TMPRSS11A: variants seen among roughly 807,000 people sequenced by gnomAD.
TMPRSS11A encodes transmembrane serine protease 11A.
Under a neutral mutation model 58.9 loss-of-function variants are expected in TMPRSS11A, and 53 were observed. That is an observed-to-expected ratio of 0.90 (90% CI 0.72 to 1.13). The LOEUF is 1.13. TMPRSS11A is among the 50% of genes most tolerant of loss of function. The pLI, the probability that TMPRSS11A is intolerant of heterozygous loss-of-function variation, is 0.00. For synonymous variants in TMPRSS11A, 167 were observed against 169.8 expected (o/e 0.98, Z 0.13); for missense variants, 493 against 499.3 (o/e 0.99, Z 0.12).
intron 3 of TMPRSS11A, among the ~76,000 whole-genome samples, chr4:67,938,397 G>A (rs1209817106): frequency 6.6e-6 from 1 of 152,142 alleles, no homozygotes; most frequent in East Asian, 1.9e-4. Context: ...TTGTGCAGAA[G>A]TTCTTTAGTT....
At chr4:67,949,418 C>T (rs1333003426) in intron 1 of TMPRSS11A, among the ~76,000 whole-genome samples, 2 of 152,180 alleles carry the variant, frequency 1.3e-5, no homozygotes, top group East Asian at 1.9e-4. Context: ...TTTGAGGAAA[C>T]ATTTAGATAA....
At chr4:67,945,239 G>A (rs371898896) in intron 2 of TMPRSS11A, among the ~76,000 whole-genome samples, 4 of 152,162 alleles carry the variant, frequency 2.6e-5, no homozygotes, top group Admixed American at 6.6e-5. Context: ...AAGGAAAGCA[G>A]TTGAGACTCC....
chr4:67,947,751 T>C (rs1721060991), intron 1 of TMPRSS11A, among the ~76,000 whole-genome samples: 1 of 152,238 alleles, frequency 6.6e-6, no homozygotes, highest in African/African-American at 2.4e-5. Flanking sequence ...AAGTATTAGT[T>C]TGCATGTATG....
chr4:67,944,464 C>CA (rs1236361017), intron 3 of TMPRSS11A, 55 bp downstream of exon 3: 2 of 1,568,198 alleles, frequency 1.3e-6, no homozygotes, highest in Non-Finnish European at 1.7e-6. Flanking sequence ...AAATGATCCA[C>CA]AAAATCCCTT....
chr4:67,922,637 A>C, intron 7 of TMPRSS11A, 118 bp downstream of exon 7: 1 of 1,003,528 alleles, frequency 1.0e-6, no homozygotes, highest in Admixed American at 2.8e-5. Flanking sequence ...AAAGAACCTG[A>C]AATAACTTTT....
In TMPRSS11A at chr4:67,944,590, G is replaced by A. The variant is rs773628733; in HGVS notation, c.181C>T (p.Gln61Ter). 1.2e-6 allele frequency: 2 copies of A among 1,612,752 alleles called. No homozygotes were observed. The highest frequency in any genetic ancestry group is 2.2e-5 in the South Asian group (2 of 91,028). The change falls in exon 3 of 10, where the codon CAA (glutamine) becomes TAA (stop). Residue 61 changes from glutamine to a stop codon, truncating the protein, a stop_gained. Coordinates refer to ENST00000508048, the MANE Select transcript of TMPRSS11A (RefSeq NM_001114387.2). LOFTEE classifies it high-confidence loss of function. The part of the protein sequence containing the change: ...YHGSFKILDP[Q>*]INNNFGQSNT... The stretch of plus-strand genomic sequence containing the variant: ...CTTTGTCCGAAATTGTTATTGATTT[G>A]TGGATCTAAAATTTTAAAGGAGCCA...
At chr4:67,942,859 G>T (rs1720912051) in intron 3 of TMPRSS11A, among the ~76,000 whole-genome samples, 1 of 152,060 alleles carries the variant, frequency 6.6e-6, no homozygotes, top group Non-Finnish European at 1.5e-5. Context: ...TAAACTAAAG[G>T]TATATTTAGT....
chr4:67,957,860 G>A (rs574928147), intron 1 of TMPRSS11A, among the ~76,000 whole-genome samples: 60 of 152,162 alleles, frequency 3.9e-4, no homozygotes, highest in Middle Eastern at 6.8e-3. Flanking sequence ...CCAGGTCCAG[G>A]GTCCCTCTGC....
rs926420132 is a variant in TMPRSS11A, at chr4:67,914,590, T to G, written c.1093A>C (p.Arg365=). Reference sequence around the variant, plus strand: ...ATAAAAAAATCCCTCCAACTTACCCTGCAGGCATCATAAATTCCTTCCATA... The same window carrying G: ...ATAAAAAAATCCCTCCAACTTACCCGGCAGGCATCATAAATTCCTTCCATA... The part of the protein sequence containing the change: ...GYMEGIYDAC[R]GDSGGPLVTR... The change falls in exon 9 of 10, where the codon AGG becomes CGG. Residue 365 remains arginine, a splice_region_variant and synonymous_variant. Transcript: ENST00000508048. The G allele has an allele frequency of 1.9e-6, 3 of 1,613,450 alleles. No homozygotes were observed. Among genetic ancestry groups the G allele is most frequent in the African/African-American group, 2.7e-5 (2 of 74,898 alleles).
chr4:67,936,428 A>G (rs1215720899), intron 3 of TMPRSS11A, among the ~76,000 whole-genome samples: 1 of 151,598 alleles, frequency 6.6e-6, no homozygotes, highest in Admixed American at 6.6e-5. Flanking sequence ...TGATGCTCAC[A>G]GAAGGCTTTT....
intron 8 of TMPRSS11A, among the ~76,000 whole-genome samples, chr4:67,916,752 G>A (rs1369476544): frequency 6.6e-6 from 1 of 152,044 alleles, no homozygotes; most frequent in African/African-American, 2.4e-5. Context: ...GCGTGAACCC[G>A]GGAGGCGGAG....
rs1340962298 is a variant in TMPRSS11A at position 67,931,973 on chromosome 4, C to T, written c.320+20G>A. Reference sequence around the variant, plus strand: ...TTTCCCTCCAGTCTTGTGATTCCACCTTTGCCCAAACATACATACGTCAGT... The same window carrying T: ...TTTCCCTCCAGTCTTGTGATTCCACTTTTGCCCAAACATACATACGTCAGT... On this transcript the variant is annotated intron_variant, in intron 4 of 9. Transcript: ENST00000508048. The T allele has an allele frequency of 6.6e-7, 1 of 1,520,384 alleles. No individual in the cohort carries two copies. The highest frequency in any genetic ancestry group is 1.7e-5 in the Admixed American group (1 of 59,562). 94.2% of individuals were successfully genotyped at this position (1,520,384 alleles called of 1,614,324 possible).
intron 3 of TMPRSS11A, among the ~76,000 whole-genome samples, chr4:67,935,850 T>A (rs995972727): frequency 6.6e-6 from 1 of 152,118 alleles, no homozygotes; most frequent in Non-Finnish European, 1.5e-5. Flanking sequence ...TTTCCTGTTT[T>A]TGGACATTTT....
chr4:67,919,587 C>G (rs1397250025), intron 7 of TMPRSS11A, among the ~76,000 whole-genome samples: 1 of 152,038 alleles, frequency 6.6e-6, no homozygotes, highest in Non-Finnish European at 1.5e-5. Context: ...TGCCTGCTCA[C>G]AGGAGTATAA....
chr4:67,918,565 T>G lies in TMPRSS11A; in HGVS notation c.952+408A>C, dbSNP rs377002522. 6.6e-5 allele frequency among the ~76,000 whole-genome samples: 10 copies of G among 152,292 alleles called. No individual in the cohort carries two copies. The East Asian group carries it at 1.5e-3, about 24-fold the overall frequency. ...AGAAATAAATATTCCTTTCTATGTA[T>G]TTTTTCTTTGTTGAGGATGATGTGT... On this transcript the variant is annotated intron_variant, in intron 8 of 9. Coordinates refer to ENST00000508048, the MANE Select transcript of TMPRSS11A (RefSeq NM_001114387.2).
intron 1 of TMPRSS11A, among the ~76,000 whole-genome samples, chr4:67,948,352 GT>G (rs1477041807): frequency 6.6e-6 from 1 of 151,892 alleles, no homozygotes. Context: ...TAGAAACAGG[GT>G]TTCATGGTGT....
At chr4:67,917,553 A>G (rs1720193289) in intron 8 of TMPRSS11A, among the ~76,000 whole-genome samples, 1 of 152,170 alleles carries the variant, frequency 6.6e-6, no homozygotes, top group South Asian at 2.1e-4. Flanking sequence ...GCTGCTTTTA[A>G]TCTATTAATG....
At position 67,919,038 on chromosome 4, in the gene TMPRSS11A, G is replaced by A. The variant is rs1435408883; in HGVS notation, c.887C>T (p.Ala296Val). Residue 296 changes from alanine (A) to valine (V), a missense_variant, in exon 8 of 10, where the codon GCC becomes GTC. Transcript: ENST00000508048. The stretch of plus-strand genomic sequence containing the variant: ...CAAATTTGGTTGGAAGGATGCAGAG[G>A]CTTCTGGCAAACAAATCTGGCGTAT... Reference protein sequence around the residue: ...DDIRQICLPEASASFQPNLTV... With the variant: ...DDIRQICLPEVSASFQPNLTV... The A allele has an allele frequency of 3.7e-6, 6 of 1,614,028 alleles. No homozygotes were observed. Among genetic ancestry groups the A allele is most frequent in the Non-Finnish European group, 5.1e-6 (6 of 1,180,010 alleles).
At chr4:67,930,808 C>CTTTTTTTTTTTT (rs67302217) in intron 4 of TMPRSS11A, among the ~76,000 whole-genome samples, 1 of 51,162 alleles carries the variant, frequency 2.0e-5, no homozygotes, top group Non-Finnish European at 3.2e-5. Flanking sequence ...GTTATCTCTC[C>CTTTTTTTTTTTT]TTTTTTTTTT....
Sources: allele counts gnomAD v4.1 joint callset (sites outside exome capture counted in the v4.1 genomes callset), GRCh38; gene constraint gnomAD v4.1.1; transcripts MANE v1.5; gene names NCBI Gene and HGNC (gene_info 2026-07-23, HGNC 2026-07-21).